Variants in TNXB observed in about 807,000 individuals in gnomAD.
The protein encoded by TNXB is tenascin-X.
Under a neutral mutation model 340.5 loss-of-function variants are expected in TNXB, and 183 were observed. The ratio of observed to expected loss-of-function variants is 0.54; its 90% CI spans 0.48 to 0.61. The LOEUF (loss-of-function observed/expected upper bound fraction) is 0.61. TNXB is among the 20% of genes least tolerant of loss of function. The pLI is 0.00. For missense variants in TNXB, 4,613 were observed against 5,446.4 expected, an observed-to-expected ratio of 0.85 and a Z score of 4.82; for synonymous variants, 2,121 against 2,314.5, an observed-to-expected ratio of 0.92 and a Z score of 2.40.
Position 32,087,554 on chromosome 6 carries a change from G to C in TNXB, c.2779+1231C>G. The C allele has an allele frequency of 4.5e-6, 2 of 442,392 alleles. No individual in the cohort carries two copies. Among genetic ancestry groups the C allele is most frequent in the South Asian group, 3.2e-5 (2 of 63,170 alleles). 27.4% of individuals were successfully genotyped at this position (442,392 alleles called of 1,614,324 possible). A position where few individuals can be genotyped will look rare whatever the true frequency, so the allele number is the denominator to read the frequency against. On this transcript the variant is annotated intron_variant, in intron 6 of 43. Transcript: ENST00000644971. The surrounding 1 kb of genome is among the most constrained non-coding windows in gnomAD (Gnocchi z 9.0). ...ACCCGGTCGACGCCTTCAGGCGAGA[G>C]GCCGTAGATTCCCTGGTTGGAGTCC... is the stretch of plus-strand genomic sequence containing the variant.
At position 32,084,483 on chromosome 6, in the gene TNXB, C is replaced by T. The variant is rs370684118; in HGVS notation, c.3375G>A (p.Lys1125=). Reference sequence around the variant, plus strand: ...CAAACCCATACAGGACAAATTTGTACTTGCGGCCAGGATCCAGGGAGGTGA... The same window carrying T: ...CAAACCCATACAGGACAAATTTGTATTTGCGGCCAGGATCCAGGGAGGTGA... ...AVITSLDPGR[K]YKFVLYGFVG... Residue 1125 remains lysine (K), a synonymous_variant, in exon 8 of 44, where the codon AAG becomes AAA. Transcript: ENST00000644971. This position sits in a 1 kb window ranked among gnomAD's most constrained non-coding sequence, Gnocchi z 5.5. 1.2e-5 allele frequency: 20 copies of T among 1,608,410 alleles called. No homozygotes were observed. Among genetic ancestry groups the T allele is most frequent in the Non-Finnish European group, 1.6e-5 (19 of 1,178,264 alleles).
chr6:32,070,029 G>C lies in TNXB; in HGVS notation c.5278+98C>G, dbSNP rs762483668. The C allele has an allele frequency of 8.8e-5, 126 of 1,426,740 alleles. No homozygotes were observed. Among genetic ancestry groups the C allele is most frequent in the Middle Eastern group, 2.2e-4 (1 of 4,458 alleles). 88.4% of individuals were successfully genotyped at this position (1,426,740 alleles called of 1,614,324 possible). A position where few individuals can be genotyped will look rare whatever the true frequency, so the allele number is the denominator to read the frequency against. On this transcript the variant is annotated intron_variant, in intron 14 of 43. Coordinates refer to ENST00000644971, the MANE Select transcript of TNXB (RefSeq NM_001365276.2). The surrounding 1 kb of genome is among the most constrained non-coding windows in gnomAD (Gnocchi z 6.0). ...TGGGGAGCTGGATCTGAGCCGAGTGGCTGGGGCCAAATAATGGTAATGGCA... is the reference window on the plus strand; with the variant it reads ...TGGGGAGCTGGATCTGAGCCGAGTGCCTGGGGCCAAATAATGGTAATGGCA...
chr6:32,097,697 G>A lies in TNXB; in HGVS notation c.403+99C>T. 2.2e-6 allele frequency: 3 copies of A among 1,348,094 alleles called. No homozygotes were observed. The highest frequency in any genetic ancestry group is 2.0e-6 in the Non-Finnish European group (2 of 1,013,022). The allele number at this position is 1,348,094 out of a possible 1,614,324, so 83.5% of individuals were successfully genotyped here. ...CTGCATCCACACCCCTCATGGTGAG[G>A]AAGGAGTGCCTTCTTCTAATTCATA... On this transcript the variant is annotated intron_variant, in intron 2 of 43. Coordinates refer to ENST00000644971, the MANE Select transcript of TNXB (RefSeq NM_001365276.2). This position sits in a 1 kb window ranked among gnomAD's most constrained non-coding sequence, Gnocchi z 5.9.
Position 32,055,771 on chromosome 6 carries a change from G to T in TNXB, c.8467+80C>A, listed in dbSNP as rs1271115316. On this transcript the variant is annotated intron_variant, in intron 24 of 43. Coordinates refer to ENST00000644971, the MANE Select transcript of TNXB (RefSeq NM_001365276.2). ...GAAACGTGCAAAAGAAGCCCGGCTG[G>T]TGAGAATATTTTTGTTTTCATGAAG... The T allele has an allele frequency of 1.9e-6, 3 of 1,539,730 alleles. No homozygotes were observed. In the Admixed American group the frequency reaches 5.9e-5, roughly 30 times the overall value.
intron 11 of TNXB, among the ~76,000 whole-genome samples, chr6:32,077,540 C>T (rs1445766751): frequency 6.6e-6 from 1 of 152,232 alleles, no homozygotes; most frequent in Non-Finnish European, 1.5e-5. Context: ...CTCACTGTGA[C>T]TAAACCGGGC....
rs192927455 is a variant in TNXB at position 32,061,575 on chromosome 6, G to A, written c.7314C>T (p.Phe2438=). Residue 2438 remains phenylalanine, a synonymous_variant, in exon 21 of 44, where the codon TTC becomes TTT. Transcript: ENST00000644971. This position sits in a 1 kb window ranked among gnomAD's most constrained non-coding sequence, Gnocchi z 4.4. ...CCTTGTACTGCACGGTGAAGGAGTC[G>A]AAGCGGCCCTGGGGGACGGTCCAGG... is the stretch of plus-strand genomic sequence containing the variant. ...SLSWTVPQGR[F]DSFTVQYKDR... 4.2e-5 allele frequency: 67 copies of A among 1,613,192 alleles called. No homozygotes were observed. Among genetic ancestry groups the A allele is most frequent in the African/African-American group, 9.3e-5 (7 of 74,884 alleles).
At position 32,047,399 on chromosome 6, in the gene TNXB, G is replaced by A. The variant is rs1208493676; in HGVS notation, c.10324+335C>T. Among the ~76,000 whole-genome samples the A allele has an allele frequency of 6.6e-6, 1 of 152,208 alleles. No homozygotes were observed. The highest frequency in any genetic ancestry group is 1.5e-5 in the Non-Finnish European group (1 of 68,050). On this transcript the variant is annotated intron_variant, in intron 30 of 43. Coordinates refer to ENST00000644971, the MANE Select transcript of TNXB (RefSeq NM_001365276.2). The surrounding 1 kb of genome is among the most constrained non-coding windows in gnomAD (Gnocchi z 6.2). The stretch of plus-strand genomic sequence containing the variant: ...GATGGGAACCACTACTGAGTCCAGC[G>A]CCATTCCCAGCATTATGCAGGTGAG...
rs1399828440 is a variant in TNXB, at chr6:32,048,454, C to T, written c.9954G>A (p.Ser3318=). 17 of 1,588,588 alleles carry T rather than the reference C, an allele frequency of 1.1e-5. No individual in the cohort carries two copies. The highest frequency in any genetic ancestry group is 3.4e-5 in the Admixed American group (2 of 58,576). The change falls in exon 29 of 44, where the codon TCG becomes TCA. Residue 3318 remains serine, a synonymous_variant. Coordinates refer to ENST00000644971, the MANE Select transcript of TNXB (RefSeq NM_001365276.2). ...VSGDLRAVAV[S]GLDPARKYKF... is the part of the protein sequence containing the mutation. ...TGTACTTGCGGGCCGGGTCCAGCCC[C>T]GAGACGGCGACCGCTCGGAGGTCTC...
Position 32,042,786 on chromosome 6 carries a change from G to A in TNXB, c.11971C>T (p.Leu3991Phe). Residue 3991 changes from leucine (L) to phenylalanine (F), a missense_variant, in exon 39 of 44, where the codon CTC becomes TTC. Transcript: ENST00000644971. ...GCATTGTAGGAGGTGGAGGGAAAGA[G>A]GCCAAGGAGCTGGTGAGATGTGATC... Reference protein sequence around the residue: ...GGITSHQLLGLFPSTSYNARL... With the variant: ...GGITSHQLLGFFPSTSYNARL... 1 of 634,704 alleles carries A rather than the reference G, an allele frequency of 1.6e-6. No individual in the cohort carries two copies. Among genetic ancestry groups the A allele is most frequent in the South Asian group, 1.7e-5 (1 of 60,022 alleles). 39.3% of individuals were successfully genotyped at this position (634,704 alleles called of 1,614,324 possible).
At position 32,058,456 on chromosome 6, in the gene TNXB, TCAA is replaced by T. The variant is rs1777817477; in HGVS notation, c.7493-69_7493-67del. The T allele has an allele frequency of 7.5e-7, 1 of 1,329,180 alleles. No individual in the cohort carries two copies. The highest frequency in any genetic ancestry group is 1.0e-6 in the Non-Finnish European group (1 of 982,352). 82.3% of individuals were successfully genotyped at this position (1,329,180 alleles called of 1,614,324 possible). On this transcript the variant is annotated intron_variant, in intron 21 of 43. Transcript: ENST00000644971. This position sits in a 1 kb window ranked among gnomAD's most constrained non-coding sequence, Gnocchi z 5.1. ...AGGGCAACTTGCTTTGCTGGTGCTG[TCAA>T]CAGAGGTCATACATCAAATGTGCCC...
Position 32,064,718 on chromosome 6 carries a change from G to T in TNXB, c.6841+103C>A. ...CAGAACCATTCCCAGGAGCTTGGGA[G>T]GCTTGGTCTCAGGGAAAGTAAAATA... On this transcript the variant is annotated intron_variant, in intron 19 of 43. Transcript: ENST00000644971. The surrounding 1 kb of genome is among the most constrained non-coding windows in gnomAD (Gnocchi z 5.3). The T allele has an allele frequency of 6.2e-6, 9 of 1,453,830 alleles. No individual in the cohort carries two copies. Among genetic ancestry groups the T allele is most frequent in the Non-Finnish European group, 7.3e-6 (8 of 1,094,400 alleles). 90.1% of individuals were successfully genotyped at this position (1,453,830 alleles called of 1,614,324 possible). A position where few individuals can be genotyped will look rare whatever the true frequency, so the allele number is the denominator to read the frequency against.
chr6:32,068,396 C>G lies in TNXB; in HGVS notation c.6214G>C (p.Val2072Leu). The change falls in exon 17 of 44, where the codon GTG (valine) becomes CTG (leucine). Residue 2072 changes from valine to leucine, a missense_variant. Physicochemically the swap from Val to Leu is conservative, Grantham distance 32 (BLOSUM62 1). Around this residue, in one of 7 missense-constraint regions of TNXB, gnomAD observed 4,327 missense variants for 4,859.4 expected, o/e 0.89. Coordinates refer to ENST00000644971, the MANE Select transcript of TNXB (RefSeq NM_001365276.2). The surrounding 1 kb of genome is among the most constrained non-coding windows in gnomAD (Gnocchi z 5.3). ...GCTCCCATCATCCACTCACCTGTCACCCCGACGACAGACACAGGGCCCATG... is the reference window on the plus strand; with the variant it reads ...GCTCCCATCATCCACTCACCTGTCAGCCCGACGACAGACACAGGGCCCATG... ...QRMGPVSVVGVTAAEEETPSP... is the reference protein window; with the variant it reads ...QRMGPVSVVGLTAAEEETPSP... 6.2e-7 allele frequency: 1 copy of G among 1,613,398 alleles called. No individual in the cohort carries two copies. The highest frequency in any genetic ancestry group is 8.5e-7 in the Non-Finnish European group (1 of 1,179,510).
At position 32,044,143 on chromosome 6, in the gene TNXB, A is replaced by G. The variant is rs373894152; in HGVS notation, c.11264-14T>C. The G allele has an allele frequency of 1.5e-3, 2,279 of 1,479,634 alleles. 16 individuals are homozygous for G. The highest frequency in any genetic ancestry group is 2.0e-3 in the Non-Finnish European group (2,178 of 1,087,428). 91.7% of individuals were successfully genotyped at this position (1,479,634 alleles called of 1,614,324 possible). On this transcript the variant is annotated splice_polypyrimidine_tract_variant and intron_variant, in intron 33 of 43. Transcript: ENST00000644971. Reference sequence around the variant, plus strand: ...GGCTCTCCAGAACTGCAGAGGGGTCAAGGAACAATGACGCAGGCAGGGGCA... The same window carrying G: ...GGCTCTCCAGAACTGCAGAGGGGTCGAGGAACAATGACGCAGGCAGGGGCA...
rs773796746 is a variant in TNXB at position 32,082,048 on chromosome 6, C to T, written c.3724G>A (p.Asp1242Asn). 2.5e-5 allele frequency: 40 copies of T among 1,603,522 alleles called. No homozygotes were observed. The Admixed American group carries it at 4.3e-4, about 17-fold the overall frequency. ...GGCTGCTACTCACCAGTGGTGCCAT[C>T]GGCCGTGAGGGGGCCATACCGCTTC... ...NKKRYGPLTADGTTAPERKEE... is the reference protein window; with the variant it reads ...NKKRYGPLTANGTTAPERKEE... Residue 1242 changes from aspartate to asparagine, a missense_variant, in exon 9 of 44, where the codon GAT becomes AAT. This residue lies in a region of TNXB where 4,327 missense variants were observed against 4,859.4 expected (regional missense o/e 0.89). Transcript: ENST00000644971. This position sits in a 1 kb window ranked among gnomAD's most constrained non-coding sequence, Gnocchi z 5.0.
In TNXB at chr6:32,079,287, A is replaced by G. The variant is rs1034520502; in HGVS notation, c.4121T>C (p.Leu1374Pro). The change falls in exon 11 of 44, where the codon CTC becomes CCC. Residue 1374 changes from leucine to proline, a missense_variant. Leu to Pro is a moderately conservative substitution (Grantham distance 98). Transcript: ENST00000644971. This position sits in a 1 kb window ranked among gnomAD's most constrained non-coding sequence, Gnocchi z 7.1. ...TEAPESPEEPLLGELTVTGSS... is the reference protein window; with the variant it reads ...TEAPESPEEPPLGELTVTGSS... ...TCCTGTCACTGTCAGCTCCCCCAGG[A>G]GCGGCTCCTCGGGGGACTCCGGGGC... 1 of 1,613,066 alleles carries G rather than the reference A, an allele frequency of 6.2e-7. No individual in the cohort carries two copies.
In TNXB at chr6:32,047,651, C is replaced by T. The variant is rs118104272; in HGVS notation, c.10324+83G>A. The stretch of plus-strand genomic sequence containing the variant: ...TTGTGTCAGGGCTGATAGAGGGAAT[C>T]TCACGGGAAGGCTGCAGGGCCAGCT... On this transcript the variant is annotated intron_variant, in intron 30 of 43. Transcript: ENST00000644971. The surrounding 1 kb of genome is among the most constrained non-coding windows in gnomAD (Gnocchi z 6.2). 13,126 of 1,461,832 alleles carry T rather than the reference C, an allele frequency of 9.0e-3. 873 individuals carry two copies. In the East Asian group the frequency reaches 0.18, roughly 20 times the overall value. 90.6% of individuals were successfully genotyped at this position (1,461,832 alleles called of 1,614,324 possible). A position where few individuals can be genotyped will look rare whatever the true frequency, so the allele number is the denominator to read the frequency against.
chr6:32,091,822 T>G (rs1250633279), intron 4 of TNXB, among the ~76,000 whole-genome samples: 2 of 152,192 alleles, frequency 1.3e-5, no homozygotes, highest in Non-Finnish European at 2.9e-5. Context: ...ATCTCAATAT[T>G]AACCTCGTGG....
rs370986933 is a variant in TNXB, at chr6:32,093,184, T to C, written c.2358+1892A>G. ...TCCCACCCTTTCAAGATTAGAGCTA[T>C]GTAAATAATATATACAGAGAAGAAG... On this transcript the variant is annotated intron_variant, in intron 4 of 43. Coordinates refer to ENST00000644971, the MANE Select transcript of TNXB (RefSeq NM_001365276.2). The C allele has an allele frequency of 3.7e-4, 197 of 537,816 alleles. 2 individuals carry two copies. The South Asian group carries it at 4.5e-3, about 12-fold the overall frequency. 33.3% of individuals were successfully genotyped at this position (537,816 alleles called of 1,614,324 possible).
Position 32,058,118 on chromosome 6 carries a change from G to A in TNXB, c.7765C>T (p.His2589Tyr), listed in dbSNP as rs756542674. 12 of 1,612,790 alleles carry A rather than the reference G, an allele frequency of 7.4e-6. No individual in the cohort carries two copies. The highest frequency in any genetic ancestry group is 9.3e-6 in the Non-Finnish European group (11 of 1,179,804). The change falls in exon 22 of 44, where the codon CAC (histidine) becomes TAC (tyrosine). Residue 2589 changes from histidine (H) to tyrosine (Y), a missense_variant. Coordinates refer to ENST00000644971, the MANE Select transcript of TNXB (RefSeq NM_001365276.2). The surrounding 1 kb of genome is among the most constrained non-coding windows in gnomAD (Gnocchi z 5.1). ...CGCCCCTCGTGGAGGCCGTACAGGTGCATCTTGTACTTGCGCCCAGGCTCC... is the reference window on the plus strand; with the variant it reads ...CGCCCCTCGTGGAGGCCGTACAGGTACATCTTGTACTTGCGCCCAGGCTCC... ...GLEPGRKYKM[H>Y]LYGLHEGRRL...
Sources: gnomAD v4.1 joint callset for allele counts (sites outside exome capture counted in the v4.1 genomes callset) on GRCh38, gnomAD v4.1.1 for gene constraint, gnomAD v4.1.1 regional missense constraint, Gnocchi (gnomAD v3.1) non-coding constraint, MANE v1.5 for transcripts, NCBI Gene and HGNC (gene_info 2026-07-23, HGNC 2026-07-21) for gene names.